Variants in EFCAB6 observed in about 807,000 individuals in gnomAD.
EFCAB6 encodes the protein EF-hand calcium binding domain 6.
In EFCAB6, 156 loss-of-function variants were observed where a neutral mutation model predicts 169.8. The ratio of observed to expected loss-of-function variants is 0.92; its 90% confidence interval spans 0.81 to 1.05. The LOEUF is 1.05. EFCAB6 is among the 50% of genes least tolerant of loss of function. EFCAB6 has a pLI of 0.00. For missense variants in EFCAB6, 1,800 were observed against 1,829.1 expected, an observed-to-expected ratio of 0.98 and a Z score of 0.29; for synonymous variants, 698 against 676.4, an observed-to-expected ratio of 1.03 and a Z score of -0.50.
At chr22:43,748,676 G>A (rs1322249722) in intron 6 of EFCAB6, among the ~76,000 whole-genome samples, 1 of 152,140 alleles carries the variant, frequency 6.6e-6, no homozygotes, top group Non-Finnish European at 1.5e-5. Context: ...AGTTACCACA[G>A]TGGACAGGAC....
intron 8 of EFCAB6, among the ~76,000 whole-genome samples, chr22:43,724,012 T>C (rs1441666774): frequency 6.6e-6 from 1 of 152,376 alleles, no homozygotes; most frequent in Middle Eastern, 3.4e-3. Context: ...ATCCTTATTT[T>C]GTTCTCATGA....
At chr22:43,790,812 G>A (rs2148110630) in intron 2 of EFCAB6, among the ~76,000 whole-genome samples, 1 of 152,344 alleles carries the variant, frequency 6.6e-6, no homozygotes, top group South Asian at 2.1e-4. Flanking sequence ...GAAGACAGCG[G>A]CTCAGACCAT....
At chr22:43,655,446 T>A (rs941182963) in intron 17 of EFCAB6, among the ~76,000 whole-genome samples, 2 of 146,936 alleles carry the variant, frequency 1.4e-5, no homozygotes, top group East Asian at 4.0e-4. Flanking sequence ...TCTATGAGAC[T>A]AATATAAGAA....
intron 8 of EFCAB6, among the ~76,000 whole-genome samples, chr22:43,727,976 A>G (rs887767724): frequency 1.3e-5 from 2 of 151,946 alleles, no homozygotes; most frequent in Non-Finnish European, 2.9e-5. Flanking sequence ...TACATGTGCC[A>G]TGGTGGTTTG....
intron 2 of EFCAB6, among the ~76,000 whole-genome samples, chr22:43,792,211 C>T (rs569461435): frequency 2.6e-5 from 4 of 152,220 alleles, no homozygotes; most frequent in Non-Finnish European, 4.4e-5. Context: ...GAAGGCAAGT[C>T]GGGGAGTGGG....
rs768065922 is a variant in EFCAB6, at chr22:43,668,918, C to A, written c.1768G>T (p.Glu590Ter). The A allele has an allele frequency of 8.6e-5, 138 of 1,608,168 alleles. No homozygotes were observed. The highest frequency in any genetic ancestry group is 3.3e-4 in the Middle Eastern group (2 of 6,078). Reference sequence around the variant, plus strand: ...TGCTGTTCATCTTTTTGTAAATGTTCACTTAACAGCTGATCCTTTGGAACA... The same window carrying A: ...TGCTGTTCATCTTTTTGTAAATGTTAACTTAACAGCTGATCCTTTGGAACA... ...VLVPKDQLLS[E>*]HLQKDEQQQP... is the part of the protein sequence containing the mutation. The change falls in exon 16 of 32, where the codon GAA (glutamate) becomes TAA (stop). Residue 590 changes from glutamate to a stop codon, truncating the protein, a stop_gained. Transcript: ENST00000262726. LOFTEE classifies it high-confidence loss of function.
intron 24 of EFCAB6, 35 bp downstream of exon 24, chr22:43,590,039 C>T: frequency 6.3e-7 from 1 of 1,595,806 alleles, no homozygotes. Flanking sequence ...TTTTTCAGGG[C>T]CATGAGAAAC....
chr22:43,640,922 A>G (rs2055754479), intron 17 of EFCAB6, among the ~76,000 whole-genome samples: 1 of 152,184 alleles, frequency 6.6e-6, no homozygotes, highest in Non-Finnish European at 1.5e-5. Flanking sequence ...CATCCTTAAG[A>G]TACAGGTATC....
chr22:43,554,546 T>C, intron 27 of EFCAB6: 1 of 308,920 alleles, frequency 3.2e-6, no homozygotes, highest in Non-Finnish European at 6.0e-6. Flanking sequence ...CCCCAGATAG[T>C]TGCTGCCCAT....
At position 43,739,069 on chromosome 22, in the gene EFCAB6, T is replaced by TC. The variant is rs748106778; in HGVS notation, c.508-3077dup. Among the ~76,000 whole-genome samples, 3 of 152,228 alleles carry TC rather than the reference T, an allele frequency of 2.0e-5. No individual in the cohort carries two copies. In the South Asian group the frequency reaches 6.2e-4, roughly 32 times the overall value. ...GAACCTCCCTCCTTGCCTCACCTCT[T>TC]CCTCCAGTCACCCATTCCCTTGCAC... On this transcript the variant is annotated intron_variant, in intron 6 of 31. Coordinates refer to ENST00000262726, the MANE Select transcript of EFCAB6 (RefSeq NM_022785.4).
intron 6 of EFCAB6, among the ~76,000 whole-genome samples, chr22:43,747,384 C>T (rs899056521): frequency 6.6e-6 from 1 of 152,168 alleles, no homozygotes. Flanking sequence ...ACTAGGGGAA[C>T]AGCACTGGAG....
intron 5 of EFCAB6, among the ~76,000 whole-genome samples, chr22:43,764,160 A>T (rs2061253160): frequency 6.6e-6 from 1 of 152,168 alleles, no homozygotes; most frequent in Admixed American, 6.5e-5. Flanking sequence ...CCTGTCACCC[A>T]GGTAGTGGGC....
At chr22:43,680,289 G>C (rs2147081621) in intron 12 of EFCAB6, among the ~76,000 whole-genome samples, 1 of 152,242 alleles carries the variant, frequency 6.6e-6, no homozygotes. Context: ...TCTCAACTCT[G>C]TTCCATTGAT....
chr22:43,580,613 G>A lies in EFCAB6; in HGVS notation c.3079C>T (p.Leu1027=). 2 of 1,614,124 alleles carry A rather than the reference G, an allele frequency of 1.2e-6. No homozygotes were observed. Among genetic ancestry groups the A allele is most frequent in the East Asian group, 2.2e-5 (1 of 44,864 alleles). Residue 1027 remains leucine, a synonymous_variant, in exon 25 of 32, where the codon CTG becomes TTG. Transcript: ENST00000262726. ...GACTTGCTGTTCTCCACTGCTCTCA[G>A]GAAGTCGAGGTAATTGATAGCATTA... ...HDNAINYLDF[L]RAVENSKSTG...
chr22:43,554,957 T>C lies in EFCAB6; in HGVS notation c.3560A>G (p.Asn1187Ser). 2 of 1,614,172 alleles carry C rather than the reference T, an allele frequency of 1.2e-6. No homozygotes were observed. The highest frequency in any genetic ancestry group is 1.7e-6 in the Non-Finnish European group (2 of 1,180,030). ...HYHAITQEFE[N>S]FDTMKTNTIS... is the part of the protein sequence containing the mutation. ...GGTGTTCGTTTTCATGGTGTCAAAA[T>C]TCTCAAACTCCTGGGTGATGGCATG... The change falls in exon 27 of 32, where the codon AAT becomes AGT. Residue 1187 changes from asparagine (N) to serine (S), a missense_variant. Transcript: ENST00000262726.
In EFCAB6 at chr22:43,537,473, G is replaced by T; in HGVS notation, c.3952C>A (p.Arg1318=). 1 of 1,614,038 alleles carries T rather than the reference G, an allele frequency of 6.2e-7. No homozygotes were observed. The highest frequency in any genetic ancestry group is 8.5e-7 in the Non-Finnish European group (1 of 1,180,014). ...CGCCAGCAGCCCTGGATTCTCTTCC[G>T]GAGCCTGCTCTCTATGGGATCACAG... ...QNCDPIESRL[R]KRIQGCWRQL... The change falls in exon 29 of 32, where the codon CGG becomes AGG. Residue 1318 remains arginine (R), a synonymous_variant. Coordinates refer to ENST00000262726, the MANE Select transcript of EFCAB6 (RefSeq NM_022785.4). The surrounding 1 kb of genome is among the most constrained non-coding windows in gnomAD (Gnocchi z 4.3).
At chr22:43,603,013 G>A (rs1474510182) in intron 22 of EFCAB6, among the ~76,000 whole-genome samples, 1 of 151,780 alleles carries the variant, frequency 6.6e-6, no homozygotes, top group African/African-American at 2.4e-5. Context: ...ACAGCATTCA[G>A]CAACACACTT....
intron 26 of EFCAB6, among the ~76,000 whole-genome samples, chr22:43,570,587 G>A (rs925017857): frequency 3.3e-5 from 5 of 150,180 alleles, no homozygotes; most frequent in Non-Finnish European, 7.4e-5. Context: ...ATGAGAAGGT[G>A]TGTGTGCTGC....
At chr22:43,672,947 C>G (rs2146989253) in intron 13 of EFCAB6, among the ~76,000 whole-genome samples, 1 of 152,256 alleles carries the variant, frequency 6.6e-6, no homozygotes, top group Middle Eastern at 3.4e-3. Context: ...AAAAACCCAT[C>G]ACCTAGAAAT....
Sources: gnomAD v4.1 joint callset for allele counts (sites outside exome capture counted in the v4.1 genomes callset) on GRCh38, gnomAD v4.1.1 for gene constraint, Gnocchi (gnomAD v3.1) non-coding constraint, MANE v1.5 for transcripts, NCBI Gene and HGNC (gene_info 2026-07-23, HGNC 2026-07-21) for gene names.